FAM241A: variants seen among roughly 807,000 people sequenced by gnomAD.
FAM241A encodes uncharacterized protein FAM241A.
In FAM241A, 7 loss-of-function variants were observed where a neutral mutation model predicts 12.2. That is an observed-to-expected ratio of 0.58 (90% CI 0.33 to 1.08). FAM241A has a LOEUF of 1.08. Ranked by LOEUF, FAM241A falls within the 50% of genes least tolerant of loss-of-function variation. The pLI, the probability that FAM241A is intolerant of heterozygous loss-of-function variation, is 0.04. For synonymous variants in FAM241A, 74 were observed against 68.2 expected (o/e 1.08, Z -0.42); for missense variants, 161 against 169.7 (o/e 0.95, Z 0.29).
In FAM241A at chr4:112,158,105, TTTA is replaced by T. The variant is rs917971507; in HGVS notation, c.153+12377_153+12379del. Among the ~76,000 whole-genome samples, 5 of 151,632 alleles carry T rather than the reference TTTA, an allele frequency of 3.3e-5. No homozygotes were observed. In the East Asian group the frequency reaches 1.0e-3, roughly 31 times the overall value. ...TCAAACTTTGTCCTTCATTATTTATTTTATTATAATTTATTATTATGGTTTATT... is the reference window on the plus strand; with the variant it reads ...TCAAACTTTGTCCTTCATTATTTATTTTATAATTTATTATTATGGTTTATT... On this transcript the variant is annotated intron_variant, in intron 1 of 1. Transcript: ENST00000309733.
At chr4:112,165,582 A>G (rs887999007) in intron 1 of FAM241A, among the ~76,000 whole-genome samples, 3 of 152,220 alleles carry the variant, frequency 2.0e-5, no homozygotes, top group African/African-American at 7.2e-5. Context: ...CGTTAAAAAG[A>G]GTGAGGTCCT....
chr4:112,189,773 C>G lies in FAM241A; in HGVS notation c.*2835C>G, dbSNP rs992301816. The G allele has an allele frequency of 6.6e-6, 1 of 151,656 alleles. No individual in the cohort carries two copies. Among genetic ancestry groups the G allele is most frequent in the South Asian group, 2.1e-4 (1 of 4,818 alleles). The allele number at this position is 151,656 out of a possible 1,614,324, so 9.4% of individuals were successfully genotyped here. ...ACATTTTTTCTGCCTTCAGTGCTGT[C>G]AAGTTGGTAGTTTGAAATTGGCCAT... On this transcript the variant is annotated 3_prime_UTR_variant, in exon 2 of 2. Coordinates refer to ENST00000309733, the MANE Select transcript of FAM241A (RefSeq NM_152400.3).
rs561386114 is a variant in FAM241A at position 112,192,686 on chromosome 4, T to C, written c.*5748T>C. ...ACAAAGGACATGAACTCATCCTTTT[T>C]TATGGCTGCATAGTATTCCATGGTG... On this transcript the variant is annotated 3_prime_UTR_variant, in exon 2 of 2. Coordinates refer to ENST00000309733, the MANE Select transcript of FAM241A (RefSeq NM_152400.3). The C allele has an allele frequency of 6.6e-6, 1 of 151,484 alleles. No homozygotes were observed. The highest frequency in any genetic ancestry group is 1.9e-4 in the East Asian group (1 of 5,192). 9.4% of individuals were successfully genotyped at this position (151,484 alleles called of 1,614,324 possible). A position where few individuals can be genotyped will look rare whatever the true frequency, so the allele number is the denominator to read the frequency against.
intron 1 of FAM241A, among the ~76,000 whole-genome samples, chr4:112,179,639 C>T (rs997792497): frequency 6.6e-6 from 1 of 151,488 alleles, no homozygotes; most frequent in Non-Finnish European, 1.5e-5. Context: ...GCACACCAAC[C>T]TGGCACATGT....
At chr4:112,181,088 T>C (rs72893064) in intron 1 of FAM241A, among the ~76,000 whole-genome samples, 14,031 of 152,088 alleles carry the variant, frequency 0.092, 792 homozygotes, top group African/African-American at 0.15. Flanking sequence ...TTTCCAAAAC[T>C]AGCTCTAGTA....
intron 1 of FAM241A, among the ~76,000 whole-genome samples, chr4:112,156,490 CATA>C (rs1560580228): frequency 6.6e-6 from 1 of 152,174 alleles, no homozygotes; most frequent in African/African-American, 2.4e-5. Flanking sequence ...CACTCTAAAA[CATA>C]ATCCCCATGA....
chr4:112,185,922 G>C (rs1318575467), intron 1 of FAM241A, among the ~76,000 whole-genome samples: 1 of 152,182 alleles, frequency 6.6e-6, no homozygotes, highest in African/African-American at 2.4e-5. Flanking sequence ...TTCTCTACCT[G>C]TGAAGTGTCA....
intron 1 of FAM241A, among the ~76,000 whole-genome samples, chr4:112,164,900 C>T (rs1723563049): frequency 6.6e-6 from 1 of 152,164 alleles, no homozygotes. Flanking sequence ...CACTTGAGCT[C>T]AGGAGTTTGA....
At chr4:112,169,340 G>T (rs770238107) in intron 1 of FAM241A, among the ~76,000 whole-genome samples, 1 of 152,144 alleles carries the variant, frequency 6.6e-6, no homozygotes, top group African/African-American at 2.4e-5. Flanking sequence ...AACTAATCCA[G>T]TTCCAATCAG....
At chr4:112,179,228 T>C (rs1001694482) in intron 1 of FAM241A, among the ~76,000 whole-genome samples, 2 of 152,218 alleles carry the variant, frequency 1.3e-5, no homozygotes, top group South Asian at 2.1e-4. Flanking sequence ...TGGTATTGCC[T>C]AGGTTTTCTT....
chr4:112,186,393 A>T (rs1330664640), intron 1 of FAM241A, among the ~76,000 whole-genome samples: 1 of 152,212 alleles, frequency 6.6e-6, no homozygotes, highest in East Asian at 1.9e-4. Flanking sequence ...CCGTCTAAAA[A>T]GAATCTTACC....
chr4:112,146,131 G>A (rs541695226), intron 1 of FAM241A, among the ~76,000 whole-genome samples: 2 of 152,320 alleles, frequency 1.3e-5, no homozygotes, highest in East Asian at 1.9e-4. Context: ...AGGTTTAGGA[G>A]ACGCCGGCTC....
intron 1 of FAM241A, among the ~76,000 whole-genome samples, chr4:112,152,400 G>A (rs2110419996): frequency 6.6e-6 from 1 of 152,150 alleles, no homozygotes; most frequent in East Asian, 1.9e-4. Flanking sequence ...AAATATGTAA[G>A]GGTTACAGTC....
chr4:112,176,203 C>T (rs907766299), intron 1 of FAM241A, among the ~76,000 whole-genome samples: 1 of 152,104 alleles, frequency 6.6e-6, no homozygotes, highest in Admixed American at 6.5e-5. Flanking sequence ...AAAAATACAA[C>T]TGAACTTAAT....
chr4:112,167,361 A>G (rs76457789), intron 1 of FAM241A, among the ~76,000 whole-genome samples: 1 of 152,148 alleles, frequency 6.6e-6, no homozygotes, highest in African/African-American at 2.4e-5. Context: ...AAAGAGAAAA[A>G]GGGAGATGAA....
intron 1 of FAM241A, among the ~76,000 whole-genome samples, chr4:112,157,336 C>A (rs74596278): frequency 6.6e-6 from 1 of 152,042 alleles, no homozygotes; most frequent in African/African-American, 2.4e-5. Flanking sequence ...TCTCAATTAT[C>A]TGTAATTTAT....
rs148240735 is a variant in FAM241A, at chr4:112,157,967, G to A, written c.153+12234G>A. Among the ~76,000 whole-genome samples the A allele has an allele frequency of 2.9e-3, 448 of 152,198 alleles. 1 individual carries two copies. Among genetic ancestry groups the A allele is most frequent in the East Asian group, 0.022 (113 of 5,186 alleles). On this transcript the variant is annotated intron_variant, in intron 1 of 1. Transcript: ENST00000309733. ...TTTAAATTTAAAGAAGGGCAAGAAC[G>A]AAGTGATTTTTTTCCATAGGGAATT...
chr4:112,166,046 A>ATT lies in FAM241A; in HGVS notation c.153+20330_153+20331dup, dbSNP rs34666622. Among the ~76,000 whole-genome samples the ATT allele has an allele frequency of 5.6e-3, 767 of 137,612 alleles. 16 individuals carry two copies. The South Asian group carries it at 0.059, about 11-fold the overall frequency. The allele number at this position is 137,612 out of a possible 152,430, so 90.3% of individuals were successfully genotyped here. ...TATAGACACCTACTATGTACTCAGA[A>ATT]TTTTTTTTTTTTTTTTTTGAGACAG... On this transcript the variant is annotated intron_variant, in intron 1 of 1. Transcript: ENST00000309733.
chr4:112,165,133 C>G (rs754350463), intron 1 of FAM241A, among the ~76,000 whole-genome samples: 1 of 152,098 alleles, frequency 6.6e-6, no homozygotes, highest in Non-Finnish European at 1.5e-5. Flanking sequence ...ATACAAATGG[C>G]AAACAGGCAT....
Sources: gnomAD v4.1 joint callset for allele counts (sites outside exome capture counted in the v4.1 genomes callset) on GRCh38, gnomAD v4.1.1 for gene constraint, MANE v1.5 for transcripts, NCBI Gene and HGNC (gene_info 2026-07-23, HGNC 2026-07-21) for gene names.